Variants in PUS7L observed in about 807,000 individuals in gnomAD.
PUS7L encodes the protein pseudouridine synthase 7 like.
In PUS7L, 49 loss-of-function variants were observed where a neutral mutation model predicts 51.1. That is an observed-to-expected ratio of 0.96 (90% confidence interval 0.76 to 1.22). The LOEUF is 1.22. PUS7L is among the 50% of genes most tolerant of loss of function. PUS7L has a pLI of 0.00. For synonymous variants in PUS7L, 277 were observed against 276.2 expected (o/e 1.00, Z -0.03); for missense variants, 828 against 820.6 (o/e 1.01, Z -0.11).
At chr12:43,735,272 G>A (rs943364065) in intron 7 of PUS7L, among the ~76,000 whole-genome samples, 4 of 151,594 alleles carry the variant, frequency 2.6e-5, no homozygotes, top group South Asian at 2.1e-4. Flanking sequence ...AGCCGAGATC[G>A]CGCCACTGCA....
chr12:43,756,016 T>C (rs939638494), intron 1 of PUS7L, among the ~76,000 whole-genome samples: 1 of 152,204 alleles, frequency 6.6e-6, no homozygotes, highest in African/African-American at 2.4e-5. Flanking sequence ...GCAGGAAAGA[T>C]AAATTGCCCA....
chr12:43,730,349 T>C lies in PUS7L; in HGVS notation c.*27A>G. Reference sequence around the variant, plus strand: ...CCCCTTTCCTTCAAAGAGTGACATATATATGGTTATACCAAGGGTATCAGT... The same window carrying C: ...CCCCTTTCCTTCAAAGAGTGACATACATATGGTTATACCAAGGGTATCAGT... On this transcript the variant is annotated 3_prime_UTR_variant, in exon 9 of 9. Transcript: ENST00000344862. 6 of 1,566,128 alleles carry C rather than the reference T, an allele frequency of 3.8e-6. No homozygotes were observed. The highest frequency in any genetic ancestry group is 1.1e-5 in the South Asian group (1 of 89,210).
intron 3 of PUS7L, among the ~76,000 whole-genome samples, chr12:43,748,173 C>A (rs1938261649): frequency 6.6e-6 from 1 of 152,022 alleles, no homozygotes; most frequent in South Asian, 2.1e-4. Flanking sequence ...AAATATATGT[C>A]TTTTACAGTA....
intron 5 of PUS7L, 73 bp downstream of exon 5, chr12:43,742,384 A>G: frequency 9.7e-7 from 1 of 1,028,122 alleles, no homozygotes; most frequent in Admixed American, 2.2e-5. Flanking sequence ...AGAGTTAAGA[A>G]AGCAAGGAGC....
At chr12:43,757,553 C>A (rs1167940052) in intron 1 of PUS7L, among the ~76,000 whole-genome samples, 2 of 152,206 alleles carry the variant, frequency 1.3e-5, no homozygotes, top group African/African-American at 4.8e-5. Flanking sequence ...TATTGTATAT[C>A]TCCTCCAAAG....
rs1462956138 is a variant in PUS7L, at chr12:43,754,314, GGAT to G, written c.910+19_910+21del. On this transcript the variant is annotated intron_variant, in intron 2 of 8. Transcript: ENST00000344862. ...TTTAGCTAAGCTTATCCAAGAAAAT[GGAT>G]GATGATTTATTAAATTACCTGTATA... 2.1e-6 allele frequency: 3 copies of G among 1,454,386 alleles called. No homozygotes were observed. The highest frequency in any genetic ancestry group is 4.6e-5 in the East Asian group (2 of 43,850). The allele number at this position is 1,454,386 out of a possible 1,614,324, so 90.1% of individuals were successfully genotyped here.
In PUS7L at chr12:43,730,858, C is replaced by A. The variant is rs146244839; in HGVS notation, c.1780-156G>T. The stretch of plus-strand genomic sequence containing the variant: ...CCTAAAACATGCTTTAAATAATATG[C>A]TATGATATTTTTATGCTGCCAAAGA... On this transcript the variant is annotated intron_variant, in intron 8 of 8. Coordinates refer to ENST00000344862, the MANE Select transcript of PUS7L (RefSeq NM_031292.5). 6.1e-3 allele frequency among the ~76,000 whole-genome samples: 933 copies of A among 152,182 alleles called. 11 individuals carry two copies. The highest frequency in any genetic ancestry group is 0.021 in the African/African-American group (856 of 41,528).
chr12:43,751,140 G>T (rs1199445140), intron 2 of PUS7L, among the ~76,000 whole-genome samples: 2 of 151,874 alleles, frequency 1.3e-5, no homozygotes, highest in Non-Finnish European at 2.9e-5. Flanking sequence ...CTCTCCTGAG[G>T]TTGCATGCAG....
intron 1 of PUS7L, 67 bp downstream of exon 1, chr12:43,758,663 C>CG: frequency 1.1e-5 from 8 of 761,694 alleles, no homozygotes; most frequent in Non-Finnish European, 1.2e-5. Context: ...CACCCCCCCC[C>CG]CCCACACACA....
intron 3 of PUS7L, among the ~76,000 whole-genome samples, chr12:43,746,794 C>T (rs1163428119): frequency 2.0e-5 from 3 of 152,086 alleles, no homozygotes; most frequent in Admixed American, 6.5e-5. Context: ...GAATTATATA[C>T]GTGACAGACT....
chr12:43,732,929 C>G (rs1944594287), intron 7 of PUS7L, among the ~76,000 whole-genome samples: 1 of 152,256 alleles, frequency 6.6e-6, no homozygotes, highest in African/African-American at 2.4e-5. Context: ...CTTGCATCAC[C>G]ATTTCTAGCC....
chr12:43,740,306 T>C (rs1937833989), intron 5 of PUS7L, among the ~76,000 whole-genome samples: 1 of 152,212 alleles, frequency 6.6e-6, no homozygotes, highest in African/African-American at 2.4e-5. Context: ...ACAGCATTCA[T>C]TTATTCAAAC....
intron 4 of PUS7L, among the ~76,000 whole-genome samples, chr12:43,745,020 A>T (rs1938095496): frequency 6.6e-6 from 1 of 152,206 alleles, no homozygotes; most frequent in African/African-American, 2.4e-5. Context: ...GTTTTTGTAA[A>T]TAAAGTTTTA....
intron 2 of PUS7L, among the ~76,000 whole-genome samples, chr12:43,751,660 G>A (rs183341702): frequency 1.6e-4 from 24 of 152,240 alleles, no homozygotes; most frequent in East Asian, 7.7e-4. Context: ...ATAAACATAC[G>A]TGTGCATGTG....
chr12:43,754,619 C>A lies in PUS7L; in HGVS notation c.627G>T (p.Leu209Phe). ...AGTCAAATGCTTCCTCTTCAGATACCAAATGACAAAGTTCTTTATATTCAA... is the reference window on the plus strand; with the variant it reads ...AGTCAAATGCTTCCTCTTCAGATACAAAATGACAAAGTTCTTTATATTCAA... Reference protein sequence around the residue: ...PNLEYKELCHLVSEEEAFDFF... With the variant: ...PNLEYKELCHFVSEEEAFDFF... The change falls in exon 2 of 9, where the codon TTG becomes TTT. Residue 209 changes from leucine (L) to phenylalanine (F), a missense_variant. By Grantham distance (22) the Leu-to-Phe change is conservative (BLOSUM62 0). Transcript: ENST00000344862. The A allele has an allele frequency of 1.2e-6, 2 of 1,613,100 alleles. No homozygotes were observed. Among genetic ancestry groups the A allele is most frequent in the Non-Finnish European group, 1.7e-6 (2 of 1,179,622 alleles).
intron 5 of PUS7L, chr12:43,739,791 T>C (rs1327239708): frequency 6.6e-6 from 1 of 152,146 alleles, no homozygotes. Flanking sequence ...AAAGGATTCA[T>C]AAGACAAAAG....
Position 43,720,826 on chromosome 12 carries a change from T to G in PUS7L, c.*9550A>C, listed in dbSNP as rs1235447302. 8 of 152,220 alleles carry G rather than the reference T, an allele frequency of 5.3e-5. No homozygotes were observed. Among genetic ancestry groups the G allele is most frequent in the Admixed American group, 1.3e-4 (2 of 15,286 alleles). 9.4% of individuals were successfully genotyped at this position (152,220 alleles called of 1,614,324 possible). A position where few individuals can be genotyped will look rare whatever the true frequency, so the allele number is the denominator to read the frequency against. ...TTTTTTAATTTACACTGCTTGGGAT[T>G]CACTGAACTTCTTAAATCTGTACTT... On this transcript the variant is annotated 3_prime_UTR_variant, in exon 9 of 9. Coordinates refer to ENST00000344862, the MANE Select transcript of PUS7L (RefSeq NM_031292.5).
rs550509438 is a variant in PUS7L at position 43,738,251 on chromosome 12, C to T, written c.1444+59G>A. The T allele has an allele frequency of 2.4e-5, 21 of 884,176 alleles. 2 individuals carry two copies. The highest frequency in any genetic ancestry group is 1.9e-4 in the South Asian group (14 of 74,370). The allele number at this position is 884,176 out of a possible 1,614,324, so 54.8% of individuals were successfully genotyped here. On this transcript the variant is annotated intron_variant, in intron 6 of 8. Transcript: ENST00000344862. Reference sequence around the variant, plus strand: ...AATAAATGCTCTCCTGCTGATAAAACATTTATAGTGTGTATCTGTATCTGC... The same window carrying T: ...AATAAATGCTCTCCTGCTGATAAAATATTTATAGTGTGTATCTGTATCTGC...
At chr12:43,752,654 C>G (rs1938510222) in intron 2 of PUS7L, among the ~76,000 whole-genome samples, 1 of 152,088 alleles carries the variant, frequency 6.6e-6, no homozygotes, top group Non-Finnish European at 1.5e-5. Context: ...CTGTATGATT[C>G]CACTTATATG....
Sources: allele counts gnomAD v4.1 joint callset (sites outside exome capture counted in the v4.1 genomes callset), GRCh38; gene constraint gnomAD v4.1.1; transcripts MANE v1.5; gene names NCBI Gene and HGNC (gene_info 2026-07-23, HGNC 2026-07-21).